Variants in PARVB observed in about 807,000 individuals in gnomAD.
PARVB encodes beta-parvin.
Under a neutral mutation model 47.0 loss-of-function variants are expected in PARVB, and 46 were observed. The ratio of observed to expected loss-of-function variants is 0.98; its 90% CI spans 0.77 to 1.25. The LOEUF (loss-of-function observed/expected upper bound fraction) is 1.25, where lower values mean the gene tolerates loss of function less well. Among genes scored for constraint, PARVB ranks in the 50% most tolerant of loss-of-function variants. The probability of loss-of-function intolerance (pLI) is 0.00; values close to 1 mark genes in which losing one functional copy is unlikely to be tolerated. For missense variants in PARVB, 473 were observed against 471.6 expected, an observed-to-expected ratio of 1.00 and a Z score of -0.03; for synonymous variants, 196 against 196.3, an observed-to-expected ratio of 1.00 and a Z score of 0.01.
chr22:43,999,424 T>A (rs544023268), intron 1 of PARVB: 10 of 1,606,074 alleles, frequency 6.2e-6, no homozygotes, highest in Non-Finnish European at 8.5e-6. Context: ...GAGCTGTGAT[T>A]TAAACAAAAC....
At chr22:44,035,528 G>A (rs2050906028) in intron 1 of PARVB, among the ~76,000 whole-genome samples, 1 of 151,988 alleles carries the variant, frequency 6.6e-6, no homozygotes, top group African/African-American at 2.4e-5. Flanking sequence ...GTGCCACCGT[G>A]CCCGGCTGAT....
In PARVB at chr22:44,119,050, T is replaced by C. The variant is rs1423885891; in HGVS notation, c.286T>C (p.Trp96Arg). 6.2e-7 allele frequency: 1 copy of C among 1,613,718 alleles called. No individual in the cohort carries two copies. Residue 96 changes from tryptophan (W) to arginine (R), a missense_variant, in exon 4 of 13, where the codon TGG (tryptophan) becomes CGG (arginine). By Grantham distance (101) the Trp-to-Arg change is moderately radical. Coordinates refer to ENST00000338758, the MANE Select transcript of PARVB (RefSeq NM_013327.5). ...GCGTCTCCTGCAGGTCCTCCTCGAC[T>C]GGATTAATGACGTGCTGGTGGAGGA... Reference protein sequence around the residue: ...FKELVKVLLDWINDVLVEERI... With the variant: ...FKELVKVLLDRINDVLVEERI...
intron 1 of PARVB, among the ~76,000 whole-genome samples, chr22:44,069,655 A>G (rs5764504): frequency 0.077 from 11,717 of 152,012 alleles, 608 homozygotes; most frequent in Middle Eastern, 0.13. Flanking sequence ...CAGCCTCCCA[A>G]GTAGCTGGGA....
At chr22:44,120,009 T>G (rs2053007589) in intron 4 of PARVB, 13 of 395,284 alleles carry the variant, frequency 3.3e-5, no homozygotes, top group South Asian at 2.4e-4. Context: ...CTGTCATGTC[T>G]CATTGTCACA....
upstream of PARVB, among the ~76,000 whole-genome samples, chr22:44,024,026 G>A (rs1272064516): frequency 6.6e-6 from 1 of 152,196 alleles, no homozygotes; most frequent in African/African-American, 2.4e-5. Context: ...TGTCTGTCGC[G>A]CTGTCGCCTG....
At chr22:44,077,260 TG>T (rs945673166) in intron 1 of PARVB, among the ~76,000 whole-genome samples, 2 of 152,196 alleles carry the variant, frequency 1.3e-5, no homozygotes, top group Non-Finnish European at 2.9e-5. Context: ...GTGGTGGCTC[TG>T]GTGTTCCCTG....
intron 2 of PARVB, chr22:44,010,410 A>G (rs2050510713): frequency 6.6e-6 from 1 of 152,248 alleles, no homozygotes; most frequent in African/African-American, 2.4e-5. Flanking sequence ...TGTGTAATCA[A>G]ACAGGCACAT....
rs1601714611 is a variant in PARVB at position 44,167,740 on chromosome 22, CG to C, written c.1019-859del. Among the ~76,000 whole-genome samples, 3 of 151,512 alleles carry C rather than the reference CG, an allele frequency of 2.0e-5. No individual in the cohort carries two copies. The East Asian group carries it at 5.8e-4, about 29-fold the overall frequency. ...CGAGCCGAGTTCCCCGACAGAGCCCCGGGTGTGTCCCCAAGCCCACCGAGCT... is the reference window on the plus strand; with the variant it reads ...CGAGCCGAGTTCCCCGACAGAGCCCCGGTGTGTCCCCAAGCCCACCGAGCT... On this transcript the variant is annotated intron_variant, in intron 12 of 12. Coordinates refer to ENST00000338758, the MANE Select transcript of PARVB (RefSeq NM_013327.5).
chr22:44,056,610 AT>A (rs1874199064), intron 1 of PARVB, among the ~76,000 whole-genome samples: 1 of 151,880 alleles, frequency 6.6e-6, no homozygotes, highest in Non-Finnish European at 1.5e-5. Context: ...GGCTTAAGCA[AT>A]CCTCCCACCT....
At chr22:44,042,900 G>A (rs746722888) in intron 1 of PARVB, among the ~76,000 whole-genome samples, 3 of 152,122 alleles carry the variant, frequency 2.0e-5, no homozygotes, top group Non-Finnish European at 2.9e-5. Context: ...TACTTAGCTG[G>A]CTTGATCAGA....
intron 1 of PARVB, among the ~76,000 whole-genome samples, chr22:44,075,385 C>T (rs2051746375): frequency 1.3e-5 from 2 of 152,222 alleles, no homozygotes; most frequent in Admixed American, 1.3e-4. Flanking sequence ...CTGCACGGCC[C>T]CACCACGCAC....
upstream of PARVB, among the ~76,000 whole-genome samples, chr22:44,021,926 T>A (rs368418999): frequency 2.2e-3 from 328 of 152,176 alleles, no homozygotes; most frequent in African/African-American, 7.6e-3. Flanking sequence ...GGGAACAGAT[T>A]TGCCCGTGCA....
intron 2 of PARVB, among the ~76,000 whole-genome samples, chr22:44,015,143 G>GC (rs1405704177): frequency 6.7e-6 from 1 of 149,550 alleles, no homozygotes; most frequent in Non-Finnish European, 1.5e-5. Flanking sequence ...GAGCCACTGC[G>GC]CCTGGCCCAG....
In PARVB at chr22:44,133,014, G is replaced by A; in HGVS notation, c.633+5G>A. 1 of 1,600,694 alleles carries A rather than the reference G, an allele frequency of 6.2e-7. No homozygotes were observed. Among genetic ancestry groups the A allele is most frequent in the Non-Finnish European group, 8.5e-7 (1 of 1,171,702 alleles). ...GTGCAGGTGGTGGTCGTGCGGGTGA[G>A]TATAACCGAGTGGTCGGCCTGCCTG... On this transcript the variant is annotated splice_donor_5th_base_variant and intron_variant, in intron 6 of 12. Coordinates refer to ENST00000338758, the MANE Select transcript of PARVB (RefSeq NM_013327.5).
chr22:44,002,787 G>A (rs541603219), intron 2 of PARVB, among the ~76,000 whole-genome samples: 4 of 152,054 alleles, frequency 2.6e-5, no homozygotes, highest in Admixed American at 6.6e-5. Flanking sequence ...CAGTTGGCCT[G>A]TTTTCAAGAA....
intron 4 of PARVB, among the ~76,000 whole-genome samples, chr22:44,129,606 T>C (rs931398269): frequency 6.6e-6 from 1 of 152,208 alleles, no homozygotes; most frequent in African/African-American, 2.4e-5. Flanking sequence ...TCCATGGTTG[T>C]TGAACACCTG....
chr22:44,165,968 G>A (rs2054158705), intron 12 of PARVB, among the ~76,000 whole-genome samples: 1 of 152,196 alleles, frequency 6.6e-6, no homozygotes, highest in Non-Finnish European at 1.5e-5. Context: ...GGGCTTGGCT[G>A]GGGCTTCCTT....
At chr22:44,008,642 A>C (rs9614308) in intron 2 of PARVB, among the ~76,000 whole-genome samples, 2 of 152,016 alleles carry the variant, frequency 1.3e-5, no homozygotes, top group African/African-American at 4.8e-5. Context: ...GAGGACACGG[A>C]TCCAAGAGTG....
intron 1 of PARVB, among the ~76,000 whole-genome samples, chr22:44,073,841 T>G (rs1341276518): frequency 2.0e-5 from 3 of 152,246 alleles, no homozygotes; most frequent in Non-Finnish European, 2.9e-5. Context: ...GCTCGGCAGC[T>G]GGCCTGCACA....
Sources: allele counts gnomAD v4.1 joint callset (sites outside exome capture counted in the v4.1 genomes callset), GRCh38; gene constraint gnomAD v4.1.1; transcripts MANE v1.5; gene names NCBI Gene and HGNC (gene_info 2026-07-23, HGNC 2026-07-21).